Variants in NLRP8 observed in about 807,000 individuals in gnomAD.
NLRP8 encodes NACHT, LRR and PYD domains-containing protein 8.
Under a neutral mutation model 88.7 loss-of-function variants are expected in NLRP8, and 86 were observed. The observed-to-expected ratio is 0.97, with a 90% CI of 0.81 to 1.16. The LOEUF (loss-of-function observed/expected upper bound fraction) is 1.16. Ranked by LOEUF, NLRP8 falls within the 50% of genes most tolerant of loss-of-function variation. NLRP8 has a pLI of 0.00. For missense variants in NLRP8, 1,342 were observed against 1,286.5 expected, an observed-to-expected ratio of 1.04 and a Z score of -0.66; for synonymous variants, 504 against 494.6, an observed-to-expected ratio of 1.02 and a Z score of -0.25.
chr19:55,959,994 C>CA (rs1414025179), intron 3 of NLRP8, among the ~76,000 whole-genome samples: 1 of 152,020 alleles, frequency 6.6e-6, no homozygotes, highest in Non-Finnish European at 1.5e-5. Context: ...TTTCAGACCC[C>CA]AATAAAACTT....
At chr19:55,949,351 C>T (rs916011799) in intron 1 of NLRP8, among the ~76,000 whole-genome samples, 1 of 152,094 alleles carries the variant, frequency 6.6e-6, no homozygotes, top group African/African-American at 2.4e-5. Context: ...AATTCTCATG[C>T]CTCAGCCTCC....
At chr19:55,970,318 C>T (rs537504660) in intron 5 of NLRP8, among the ~76,000 whole-genome samples, 4 of 152,038 alleles carry the variant, frequency 2.6e-5, no homozygotes, top group Non-Finnish European at 2.9e-5. Flanking sequence ...AGAGCTCAGT[C>T]GTTATTGTAT....
At chr19:55,976,359 C>A in intron 8 of NLRP8, 56 bp downstream of exon 8, 1 of 1,422,020 alleles carries the variant, frequency 7.0e-7, no homozygotes. Context: ...ATAAGCGTCT[C>A]TCAGGATGGA....
In NLRP8 at chr19:55,966,358, C is replaced by T. The variant is rs183661608; in HGVS notation, c.2359C>T (p.Arg787Trp). ...TCTATGCAGGGTGCTGAGATCCCCC[C>T]GGTGCCGTCTGCAGTGTCTCAGGTG... is the stretch of plus-strand genomic sequence containing the variant. The change falls in exon 5 of 10, where the codon CGG becomes TGG. Residue 787 changes from arginine (R) to tryptophan (W), a missense_variant. By Grantham distance (101) the Arg-to-Trp change is moderately radical. Coordinates refer to ENST00000291971, the MANE Select transcript of NLRP8 (RefSeq NM_176811.2). 5.8e-5 allele frequency: 94 copies of T among 1,613,912 alleles called. 1 individual carries two copies. The highest frequency in any genetic ancestry group is 4.1e-4 in the African/African-American group (31 of 75,020).
intron 3 of NLRP8, among the ~76,000 whole-genome samples, chr19:55,958,366 C>T (rs1979467006): frequency 6.6e-6 from 1 of 152,138 alleles, no homozygotes; most frequent in East Asian, 1.9e-4. Flanking sequence ...GTTGGTCTCT[C>T]CTTATGGGAT....
chr19:55,959,692 G>A (rs1342074686), intron 3 of NLRP8, among the ~76,000 whole-genome samples: 1 of 152,176 alleles, frequency 6.6e-6, no homozygotes, highest in East Asian at 1.9e-4. Flanking sequence ...AAACAAGAGA[G>A]TCTATTTCTG....
intron 6 of NLRP8, among the ~76,000 whole-genome samples, chr19:55,972,563 C>T (rs2123215967): frequency 6.6e-6 from 1 of 152,020 alleles, no homozygotes; most frequent in Middle Eastern, 3.4e-3. Flanking sequence ...AATGTGTAGT[C>T]TTTTATCCCT....
At chr19:55,984,769 C>T (rs1018615368) in intron 9 of NLRP8, among the ~76,000 whole-genome samples, 14 of 148,678 alleles carry the variant, frequency 9.4e-5, no homozygotes, top group African/African-American at 1.7e-4. Context: ...CCCAGGAGTT[C>T]GAGGCTGCAG....
intron 3 of NLRP8, among the ~76,000 whole-genome samples, chr19:55,961,638 C>CA (rs59850239): frequency 0.21 from 31,694 of 151,656 alleles, 4,343 homozygotes; most frequent in African/African-American, 0.37. Context: ...CCTGTTTCTA[C>CA]AAAAAATACA....
chr19:55,961,993 C>T, intron 3 of NLRP8, 74 bp from the exon 4 acceptor site: 2 of 1,511,072 alleles, frequency 1.3e-6, no homozygotes, highest in Non-Finnish European at 1.8e-6. Context: ...TAGGGAACAC[C>T]AGCCCTGGGG....
Position 55,973,697 on chromosome 19 carries a change from C to T in NLRP8, c.2580C>T (p.Ala860=). 8 of 1,613,796 alleles carry T rather than the reference C, an allele frequency of 5.0e-6. No individual in the cohort carries two copies. Among genetic ancestry groups the T allele is most frequent in the Non-Finnish European group, 5.9e-6 (7 of 1,179,804 alleles). The change falls in exon 7 of 10, where the codon GCC becomes GCT. Residue 860 remains alanine (A), a synonymous_variant. Transcript: ENST00000291971. ...CACAGCTTACTTGTGAAAGCCTTGC[C>T]TCCTGTCTCAGGCAGAGTAAGATGC...
intron 9 of NLRP8, among the ~76,000 whole-genome samples, chr19:55,986,209 A>T (rs1206223460): frequency 2.6e-5 from 4 of 152,084 alleles, no homozygotes. Context: ...ATAATTTGTC[A>T]ATACACAAAA....
intron 4 of NLRP8, 103 bp from the exon 5 acceptor site, chr19:55,966,110 C>A (rs1979825000): frequency 1.0e-6 from 1 of 987,552 alleles, no homozygotes; most frequent in Non-Finnish European, 1.6e-6. Context: ...AGTGGGACTG[C>A]ACCTGTCCCA....
chr19:55,977,781 C>G (rs1381778742), intron 8 of NLRP8, among the ~76,000 whole-genome samples: 1 of 151,718 alleles, frequency 6.6e-6, no homozygotes, highest in Non-Finnish European at 1.5e-5. Flanking sequence ...TTAGCATAGT[C>G]TTGGTATTTA....
chr19:55,967,226 G>A (rs1384839237), intron 5 of NLRP8, among the ~76,000 whole-genome samples: 1 of 152,148 alleles, frequency 6.6e-6, no homozygotes, highest in East Asian at 1.9e-4. Flanking sequence ...TTCAATCAGA[G>A]TTTGGTGATG....
intron 4 of NLRP8, 43 bp downstream of exon 4, chr19:55,962,280 T>A: frequency 6.4e-7 from 1 of 1,570,680 alleles, no homozygotes. Context: ...TTTATGGAGA[T>A]GGTCTGTTTC....
In NLRP8 at chr19:55,978,652, G is replaced by A. The variant is rs563882977; in HGVS notation, c.2877-742G>A. On this transcript the variant is annotated intron_variant, in intron 8 of 9. Transcript: ENST00000291971. ...TTTGTTCAAGGACTCTTATGGGCCGGCATCGTATTTATGATACACGGCACC... is the reference window on the plus strand; with the variant it reads ...TTTGTTCAAGGACTCTTATGGGCCGACATCGTATTTATGATACACGGCACC... Among the ~76,000 whole-genome samples the A allele has an allele frequency of 8.9e-4, 136 of 152,248 alleles. No homozygotes were observed. In the Middle Eastern group the frequency reaches 0.01, roughly 11 times the overall value.
At position 55,970,567 on chromosome 19, in the gene NLRP8, C is replaced by A. The variant is rs1980029875; in HGVS notation, c.2405C>A (p.Pro802His). Residue 802 changes from proline (P) to histidine (H), a missense_variant, in exon 6 of 10, where the codon CCT becomes CAT. By Grantham distance (77) the Pro-to-His change is moderately conservative. Transcript: ENST00000291971. ...AGGTTGGAAGACTGCTTGGCCACCCCTAGAATTTGGACTGATCTTGGCAAT... is the reference window on the plus strand; with the variant it reads ...AGGTTGGAAGACTGCTTGGCCACCCATAGAATTTGGACTGATCTTGGCAAT... 4 of 1,613,994 alleles carry A rather than the reference C, an allele frequency of 2.5e-6. No homozygotes were observed. The highest frequency in any genetic ancestry group is 3.3e-5 in the Admixed American group (2 of 59,980).
rs306496 is a variant in NLRP8 at position 55,966,344 on chromosome 19, T to A, written c.2345T>A (p.Val782Glu). The change falls in exon 5 of 10, where the codon GTG (valine) becomes GAG (glutamate). Residue 782 changes from valine (V) to glutamate (E), a missense_variant. Transcript: ENST00000291971. ...AAAGCTGTGAAGCTTCTATGCAGGGTGCTGAGATCCCCCCGGTGCCGTCTG... is the reference window on the plus strand; with the variant it reads ...AAAGCTGTGAAGCTTCTATGCAGGGAGCTGAGATCCCCCCGGTGCCGTCTG... 1 of 1,612,912 alleles carries A rather than the reference T, an allele frequency of 6.2e-7. No homozygotes were observed. Among genetic ancestry groups the A allele is most frequent in the African/African-American group, 1.3e-5 (1 of 74,956 alleles).
Sources: allele counts gnomAD v4.1 joint callset (sites outside exome capture counted in the v4.1 genomes callset), GRCh38; gene constraint gnomAD v4.1.1; transcripts MANE v1.5; gene names NCBI Gene and HGNC (gene_info 2026-07-23, HGNC 2026-07-21).